Variants in FIRRM observed in about 807,000 individuals in gnomAD.
FIRRM encodes the protein FIGNL1-interacting regulator of recombination and mitosis.
At chr1:169,821,914 A>G in the FIRRM span, among the ~76,000 whole-genome samples, 1 of 152,194 alleles carries the variant, frequency 6.6e-6, no homozygotes, top group East Asian at 1.9e-4. Context: ...ATTTAAGTAC[A>G]GGTGTGATTT....
At chr1:169,823,259 A>G in the FIRRM span, 12 of 496,902 alleles carry the variant, frequency 2.4e-5, no homozygotes, top group South Asian at 3.2e-4. Flanking sequence ...TCAAAAAAAA[A>G]AAAAGAAAAG....
the FIRRM span, among the ~76,000 whole-genome samples, chr1:169,803,683 G>A: frequency 9.9e-5 from 15 of 152,116 alleles, no homozygotes; most frequent in African/African-American, 3.6e-4. Flanking sequence ...TCCTTATTTA[G>A]TCCATCTCTA....
chr1:169,853,248 T>C, the FIRRM span: 9 of 445,208 alleles, frequency 2.0e-5, no homozygotes, highest in Non-Finnish European at 3.2e-5. Flanking sequence ...AACAAATAAA[T>C]AAGCTGCCTA....
the FIRRM span, among the ~76,000 whole-genome samples, chr1:169,790,661 A>G: frequency 6.6e-6 from 1 of 152,276 alleles, no homozygotes; most frequent in African/African-American, 2.4e-5. Flanking sequence ...ACCTCATTAA[A>G]AGTCTAATTC....
the FIRRM span, chr1:169,829,463 T>C: frequency 6.3e-7 from 1 of 1,595,718 alleles, no homozygotes; most frequent in Non-Finnish European, 8.5e-7. Flanking sequence ...AGCATATTAC[T>C]TACTGTGCTA....
chr1:169,819,848 C>A, the FIRRM span, among the ~76,000 whole-genome samples: 1 of 152,168 alleles, frequency 6.6e-6, no homozygotes, highest in South Asian at 2.1e-4. Flanking sequence ...ACACAGATAT[C>A]AACCAGAAAG....
chr1:169,812,330 A>G, the FIRRM span, among the ~76,000 whole-genome samples: 1 of 152,248 alleles, frequency 6.6e-6, no homozygotes, highest in African/African-American at 2.4e-5. Flanking sequence ...GCCCTCAACA[A>G]CTTAGAGTCT....
At chr1:169,842,557 T>G in the FIRRM span, 1 of 1,605,794 alleles carries the variant, frequency 6.2e-7, no homozygotes, top group Non-Finnish European at 8.5e-7. Context: ...AAGCAACTGA[T>G]CCTTTCCTTA....
At chr1:169,825,408 T>G in the FIRRM span, among the ~76,000 whole-genome samples, 1 of 152,226 alleles carries the variant, frequency 6.6e-6, no homozygotes, top group African/African-American at 2.4e-5. Flanking sequence ...CTGTCCCCTT[T>G]CATTAGAATT....
At chr1:169,783,959 A>T in the FIRRM span, 1 of 152,108 alleles carries the variant, frequency 6.6e-6, no homozygotes. Flanking sequence ...CTAACTTTTT[A>T]ATTCTTTGTA....
At chr1:169,787,195 T>C in the FIRRM span, among the ~76,000 whole-genome samples, 1 of 152,256 alleles carries the variant, frequency 6.6e-6, no homozygotes, top group South Asian at 2.1e-4. Flanking sequence ...GTGTGCAGTG[T>C]GCAGTGGTGG....
the FIRRM span, among the ~76,000 whole-genome samples, chr1:169,821,920 G>T: frequency 6.6e-6 from 1 of 151,930 alleles, no homozygotes; most frequent in African/African-American, 2.4e-5. Flanking sequence ...GTACAGGTGT[G>T]ATTTCTTTAT....
At chr1:169,842,600 T>G in the FIRRM span, 1 of 1,577,786 alleles carries the variant, frequency 6.3e-7, no homozygotes, top group Non-Finnish European at 8.6e-7. Context: ...AAAAGAGGAT[T>G]GTACTGAAAT....
the FIRRM span, among the ~76,000 whole-genome samples, chr1:169,822,843 T>C: frequency 1.3e-5 from 2 of 152,188 alleles, no homozygotes; most frequent in African/African-American, 4.8e-5. Context: ...TTCTGATGAC[T>C]CTCAAATACG....
chr1:169,816,534 G>T, the FIRRM span, among the ~76,000 whole-genome samples: 1 of 152,202 alleles, frequency 6.6e-6, no homozygotes, highest in South Asian at 2.1e-4. Context: ...TCTGTATAAA[G>T]TACAGCAAGA....
chr1:169,841,988 C>T, the FIRRM span, among the ~76,000 whole-genome samples: 6 of 151,730 alleles, frequency 4.0e-5, no homozygotes, highest in Middle Eastern at 3.4e-3. Context: ...CCATCCTGGC[C>T]AACATGGTGA....
At chr1:169,813,333 A>G in the FIRRM span, among the ~76,000 whole-genome samples, 26 of 152,338 alleles carry the variant, frequency 1.7e-4, no homozygotes, top group East Asian at 4.8e-3. Flanking sequence ...TTGTAGTAGG[A>G]CCAGGACTTA....
At chr1:169,849,455 A>G in the FIRRM span, 4 of 1,400,424 alleles carry the variant, frequency 2.9e-6, no homozygotes, top group Non-Finnish European at 4.0e-6. Context: ...ATGATTATCT[A>G]TTATGGTTTC....
chr1:169,847,502 T>G, the FIRRM span, among the ~76,000 whole-genome samples: 3 of 152,134 alleles, frequency 2.0e-5, no homozygotes, highest in Admixed American at 6.6e-5. Context: ...CTTTAACTGT[T>G]AACTTGTTCA....
Sources: allele counts gnomAD v4.1 joint callset (sites outside exome capture counted in the v4.1 genomes callset), GRCh38; gene constraint gnomAD v4.1.1; transcripts MANE v1.5; gene names NCBI Gene and HGNC (gene_info 2026-07-23, HGNC 2026-07-21).